The following SLC43A2 variants were observed in gnomAD, a reference collection of about 807,000 sequenced individuals.
The protein encoded by SLC43A2 is large neutral amino acids transporter small subunit 4.
In SLC43A2, 38 loss-of-function variants were observed where a neutral mutation model predicts 63.2. That is an observed-to-expected ratio of 0.60 (90% CI 0.46 to 0.79). SLC43A2 has a LOEUF of 0.79. SLC43A2 is among the 30% of genes least tolerant of loss of function. The pLI is 0.00. For missense variants in SLC43A2, 644 were observed against 756.2 expected (o/e 0.85, Z 1.74); for synonymous variants, 322 against 331.0 (o/e 0.97, Z 0.30).
rs532855406 is a variant in SLC43A2, at chr17:1,624,428, C to T, written c.160+3287G>A. On this transcript the variant is annotated intron_variant, in intron 2 of 13. Coordinates refer to ENST00000301335, the MANE Select transcript of SLC43A2 (RefSeq NM_152346.3). The stretch of plus-strand genomic sequence containing the variant: ...CATCTCTACAAAAAATTTGACCGGG[C>T]GTGGTGGCTCACACCTGTAATCCCA... 1.2e-3 allele frequency among the ~76,000 whole-genome samples: 179 copies of T among 150,684 alleles called. 1 individual carries two copies. The highest frequency in any genetic ancestry group is 4.0e-3 in the African/African-American group (163 of 40,914).
chr17:1,593,305 T>A lies in SLC43A2; in HGVS notation c.502-26A>T, dbSNP rs1473675611. 5 of 1,605,374 alleles carry A rather than the reference T, an allele frequency of 3.1e-6. No homozygotes were observed. Among genetic ancestry groups the A allele is most frequent in the Non-Finnish European group, 4.3e-6 (5 of 1,174,194 alleles). ...CTGAGAGATAAGAAGCAGAGAAACC[T>A]CAGTGGGGAGGATGCACCAGGGAAG... On this transcript the variant is annotated intron_variant, in intron 5 of 13. Coordinates refer to ENST00000301335, the MANE Select transcript of SLC43A2 (RefSeq NM_152346.3). This position sits in a 1 kb window ranked among gnomAD's most constrained non-coding sequence, Gnocchi z 5.3.
At position 1,613,183 on chromosome 17, in the gene SLC43A2, A is replaced by G; in HGVS notation, c.501+12T>C. On this transcript the variant is annotated intron_variant, in intron 5 of 13. Transcript: ENST00000301335. Reference sequence around the variant, plus strand: ...TTACTGAACTACAGAGCTTTAAAAAATCTGTACTCACTGTTAATGAGGTGA... The same window carrying G: ...TTACTGAACTACAGAGCTTTAAAAAGTCTGTACTCACTGTTAATGAGGTGA... The G allele has an allele frequency of 6.2e-7, 1 of 1,609,130 alleles. No homozygotes were observed. The highest frequency in any genetic ancestry group is 8.5e-7 in the Non-Finnish European group (1 of 1,175,744).
chr17:1,594,105 G>A (rs1055603890), intron 5 of SLC43A2, among the ~76,000 whole-genome samples: 1 of 152,130 alleles, frequency 6.6e-6, no homozygotes, highest in Non-Finnish European at 1.5e-5. Flanking sequence ...GACTACAGGC[G>A]TGAGCCACCG....
chr17:1,623,937 C>T (rs908273450), intron 2 of SLC43A2, among the ~76,000 whole-genome samples: 1 of 152,168 alleles, frequency 6.6e-6, no homozygotes, highest in Non-Finnish European at 1.5e-5. Context: ...CCACCTGAAC[C>T]GCAGAGAGGC....
At chr17:1,584,075 T>TA (rs769057461) in intron 10 of SLC43A2, among the ~76,000 whole-genome samples, 83 of 151,978 alleles carry the variant, frequency 5.5e-4, no homozygotes, top group Non-Finnish European at 9.4e-4. Flanking sequence ...TTTGCGTTTT[T>TA]GTAGAGACAG....
At chr17:1,579,855 A>G (rs2075985641) in intron 11 of SLC43A2, among the ~76,000 whole-genome samples, 1 of 151,770 alleles carries the variant, frequency 6.6e-6, no homozygotes, top group Non-Finnish European at 1.5e-5. Context: ...AACAAAATGA[A>G]CGAACAAAAC....
Position 1,605,096 on chromosome 17 carries a change from GC to G in SLC43A2, c.501+8098del. ...ACCACACTCACAGGTGGGAGTGCAA[GC>G]CCCTCTTCCCGCCCTCAGGTGCTTC... On this transcript the variant is annotated intron_variant, in intron 5 of 13. Coordinates refer to ENST00000301335, the MANE Select transcript of SLC43A2 (RefSeq NM_152346.3). This position sits in a 1 kb window ranked among gnomAD's most constrained non-coding sequence, Gnocchi z 4.9. 7.3e-7 allele frequency: 1 copy of G among 1,362,826 alleles called. No homozygotes were observed. The highest frequency in any genetic ancestry group is 9.5e-7 in the Non-Finnish European group (1 of 1,055,056). 84.4% of individuals were successfully genotyped at this position (1,362,826 alleles called of 1,614,324 possible).
At position 1,604,889 on chromosome 17, in the gene SLC43A2, T is replaced by A. The variant is rs1555542363; in HGVS notation, c.501+8306A>T. On this transcript the variant is annotated intron_variant, in intron 5 of 13. Coordinates refer to ENST00000301335, the MANE Select transcript of SLC43A2 (RefSeq NM_152346.3). ...TCGCTCACTCCGTCCCCAGCTTCCC[T>A]GCCTCCACCGGTCTCAGCTGCGCAT... is the stretch of plus-strand genomic sequence containing the variant. 5 of 1,534,954 alleles carry A rather than the reference T, an allele frequency of 3.3e-6. No homozygotes were observed. In the South Asian group the frequency reaches 4.8e-5, roughly 15 times the overall value.
intron 11 of SLC43A2, among the ~76,000 whole-genome samples, chr17:1,579,200 C>G (rs945209335): frequency 6.7e-6 from 1 of 149,678 alleles, no homozygotes. Context: ...GTGGCTCACA[C>G]CTGTAGTCCC....
At chr17:1,614,936 T>C (rs1567643585) in intron 4 of SLC43A2, 43 bp downstream of exon 4, 3 of 1,603,130 alleles carry the variant, frequency 1.9e-6, no homozygotes, top group Non-Finnish European at 2.6e-6. Context: ...CAGGGCACTC[T>C]CTCCCCGGTC....
chr17:1,598,148 C>T (rs764261087), intron 5 of SLC43A2, among the ~76,000 whole-genome samples: 5 of 143,648 alleles, frequency 3.5e-5, no homozygotes, highest in Non-Finnish European at 7.4e-5. Flanking sequence ...AGGGGCCAGG[C>T]GCGGTGGCTC....
intron 11 of SLC43A2, among the ~76,000 whole-genome samples, chr17:1,581,529 C>T (rs916286383): frequency 1.3e-5 from 2 of 152,196 alleles, no homozygotes; most frequent in Non-Finnish European, 2.9e-5. Flanking sequence ...GGGTGTTCAA[C>T]GTACCTCAAG....
At chr17:1,585,576 T>A (rs1024293329) in intron 10 of SLC43A2, 8 of 906,724 alleles carry the variant, frequency 8.8e-6, no homozygotes, top group Middle Eastern at 4.4e-4. Flanking sequence ...AGACGGGGAG[T>A]GGGGGCTGGC....
rs767218419 is a variant in SLC43A2 at position 1,585,905 on chromosome 17, C to T, written c.1217+8G>A. On this transcript the variant is annotated splice_region_variant and intron_variant, in intron 10 of 13. Coordinates refer to ENST00000301335, the MANE Select transcript of SLC43A2 (RefSeq NM_152346.3). ...CTGGGAGCCGGGGCACCGGCCCTGC[C>T]TACGCACTGGTTGGCGTCTTTCTCC... 6.2e-7 allele frequency: 1 copy of T among 1,613,726 alleles called. No individual in the cohort carries two copies. Among genetic ancestry groups the T allele is most frequent in the Admixed American group, 1.7e-5 (1 of 60,026 alleles).
intron 2 of SLC43A2, among the ~76,000 whole-genome samples, chr17:1,625,109 C>T (rs1440669567): frequency 4.6e-5 from 7 of 152,094 alleles, no homozygotes; most frequent in Non-Finnish European, 8.8e-5. Flanking sequence ...ACCAGGGGGA[C>T]GAGGGAGGCA....
At chr17:1,616,065 G>C (rs1172462507) in intron 3 of SLC43A2, among the ~76,000 whole-genome samples, 1 of 148,708 alleles carries the variant, frequency 6.7e-6, no homozygotes, top group Non-Finnish European at 1.5e-5. Context: ...AAAAAAAAGA[G>C]CACAGATATA....
chr17:1,610,467 C>G (rs1213479652), intron 5 of SLC43A2, among the ~76,000 whole-genome samples: 1 of 148,002 alleles, frequency 6.8e-6, no homozygotes, highest in African/African-American at 2.5e-5. Context: ...CAAGGTGTCT[C>G]GCTATGTTGC....
At chr17:1,585,424 T>G in intron 10 of SLC43A2, 2 of 330,910 alleles carry the variant, frequency 6.0e-6, no homozygotes, top group Non-Finnish European at 1.1e-5. Flanking sequence ...TTTTGTATTT[T>G]TAGTAGAGAC....
Position 1,627,807 on chromosome 17 carries a change from TTCTCCAGCAC to T in SLC43A2, c.58_67del (p.Val20ThrfsTer50). 1 of 1,596,062 alleles carries T rather than the reference TTCTCCAGCAC, an allele frequency of 6.3e-7. No homozygotes were observed. Among genetic ancestry groups the T allele is most frequent in the Non-Finnish European group, 8.5e-7 (1 of 1,171,820 alleles). On this transcript the variant is annotated frameshift_variant, in exon 2 of 14. Transcript: ENST00000301335. LOFTEE classifies it high-confidence loss of function. Reference sequence around the variant, plus strand: ...CAGGAGGACTGCCGAGAAGAGGAGGTTCTCCAGCACGGCCGTGCAGGCCATCCACCAGCGG... The same window carrying T: ...CAGGAGGACTGCCGAGAAGAGGAGGTGGCCGTGCAGGCCATCCACCAGCGG...
Sources: gnomAD v4.1 joint callset for allele counts (sites outside exome capture counted in the v4.1 genomes callset) on GRCh38, gnomAD v4.1.1 for gene constraint, Gnocchi (gnomAD v3.1) non-coding constraint, MANE v1.5 for transcripts, NCBI Gene and HGNC (gene_info 2026-07-23, HGNC 2026-07-21) for gene names.